Variants in AGBL1 observed in about 807,000 individuals in gnomAD.
AGBL1 encodes cytosolic carboxypeptidase 4.
Under a neutral mutation model 118.9 loss-of-function variants are expected in AGBL1, and 130 were observed. The ratio of observed to expected loss-of-function variants is 1.09; its 90% confidence interval spans 0.95 to 1.26. The LOEUF (loss-of-function observed/expected upper bound fraction) is 1.26. Among genes scored for constraint, AGBL1 ranks in the 50% most tolerant of loss-of-function variants. The probability of loss-of-function intolerance (pLI) is 0.00; values close to 1 mark genes in which losing one functional copy is unlikely to be tolerated. For missense variants in AGBL1, 1,584 were observed against 1,298.1 expected (o/e 1.22, Z -3.38); for synonymous variants, 555 against 478.9 (o/e 1.16, Z -2.08).
intron 19 of AGBL1, among the ~76,000 whole-genome samples, chr15:86,539,900 A>G (rs867485784): frequency 1.5e-4 from 23 of 152,200 alleles, no homozygotes; most frequent in African/African-American, 2.4e-4. Context: ...TTATGGTAAT[A>G]CAATGACCTC....
At chr15:86,699,342 T>C (rs757143059) in intron 22 of AGBL1, among the ~76,000 whole-genome samples, 1 of 152,064 alleles carries the variant, frequency 6.6e-6, no homozygotes, top group Non-Finnish European at 1.5e-5. Context: ...ACCAGTGCAG[T>C]ATAATTAAAA....
chr15:86,922,155 T>G (rs1231109941), intron 23 of AGBL1, among the ~76,000 whole-genome samples: 1 of 152,212 alleles, frequency 6.6e-6, no homozygotes, highest in African/African-American at 2.4e-5. Context: ...CTAATAAATA[T>G]GAAACAAAGT....
intron 22 of AGBL1, among the ~76,000 whole-genome samples, chr15:86,809,942 A>ACCTC (rs2078766236): frequency 1.3e-5 from 2 of 152,074 alleles, no homozygotes; most frequent in Non-Finnish European, 1.5e-5. Context: ...TTTTAATAGG[A>ACCTC]TAAATAATTA....
chr15:86,889,580 T>G (rs567786632), intron 22 of AGBL1, among the ~76,000 whole-genome samples: 1 of 152,300 alleles, frequency 6.6e-6, no homozygotes, highest in South Asian at 2.1e-4. Context: ...CAGTGTGTGT[T>G]ATTCCCCTCC....
chr15:86,778,453 G>T (rs1037797023), intron 22 of AGBL1, among the ~76,000 whole-genome samples: 2 of 152,058 alleles, frequency 1.3e-5, no homozygotes, highest in African/African-American at 4.8e-5. Context: ...CTACAGCTTC[G>T]ACTGTAAAAG....
At chr15:86,786,733 C>T (rs2141320810) in intron 22 of AGBL1, among the ~76,000 whole-genome samples, 1 of 152,238 alleles carries the variant, frequency 6.6e-6, no homozygotes, top group Admixed American at 6.5e-5. Context: ...AGCATGTGTT[C>T]TTGAGACATA....
chr15:86,700,305 G>A (rs1006179631), intron 22 of AGBL1, among the ~76,000 whole-genome samples: 3 of 151,882 alleles, frequency 2.0e-5, no homozygotes, highest in Non-Finnish European at 4.4e-5. Context: ...CTCTGAGCAA[G>A]TCTTTATTTT....
At chr15:86,115,910 A>C (rs1567064245) in intron 1 of AGBL1, among the ~76,000 whole-genome samples, 1 of 152,128 alleles carries the variant, frequency 6.6e-6, no homozygotes, top group South Asian at 2.1e-4. Flanking sequence ...TCCTGTTATA[A>C]TTATTAGTAG....
At chr15:86,863,624 G>A (rs1023441213) in intron 22 of AGBL1, among the ~76,000 whole-genome samples, 2 of 152,266 alleles carry the variant, frequency 1.3e-5, no homozygotes, top group South Asian at 2.1e-4. Context: ...TTTGGTCTGG[G>A]TAGGTATTGG....
intron 23 of AGBL1, among the ~76,000 whole-genome samples, chr15:86,925,170 A>AGGAG (rs1463207680): frequency 2.6e-3 from 11 of 4,226 alleles, no homozygotes; most frequent in Non-Finnish European, 3.5e-3. Context: ...AGGAGGAGGA[A>AGGAG]GAGGAAGAGG....
intron 17 of AGBL1, among the ~76,000 whole-genome samples, chr15:86,345,631 G>A (rs1400381621): frequency 6.6e-6 from 1 of 152,196 alleles, no homozygotes; most frequent in African/African-American, 2.4e-5. Flanking sequence ...AGGGAGAGCA[G>A]CTTCTGAAAT....
chr15:86,925,755 G>C (rs1410406514), intron 23 of AGBL1, among the ~76,000 whole-genome samples: 3 of 135,680 alleles, frequency 2.2e-5, no homozygotes, highest in Admixed American at 1.6e-4. Context: ...TTTTGAGACA[G>C]AGTCTCACTC....
intron 17 of AGBL1, among the ~76,000 whole-genome samples, chr15:86,312,727 T>C (rs1447308628): frequency 1.3e-5 from 2 of 152,140 alleles, no homozygotes; most frequent in Non-Finnish European, 2.9e-5. Context: ...TCTCAACATG[T>C]AGTGATGCAC....
intron 17 of AGBL1, among the ~76,000 whole-genome samples, chr15:86,313,150 G>T (rs1170304445): frequency 6.6e-6 from 1 of 152,206 alleles, no homozygotes; most frequent in Non-Finnish European, 1.5e-5. Context: ...ATGGTAAGAA[G>T]TGGGGGACAC....
chr15:86,493,381 G>A (rs565628636), intron 18 of AGBL1, among the ~76,000 whole-genome samples: 7 of 152,064 alleles, frequency 4.6e-5, no homozygotes, highest in Admixed American at 1.3e-4. Context: ...GGAGTATTTC[G>A]GAGGAAAAGG....
chr15:86,587,207 T>G lies in AGBL1; in HGVS notation c.2994+32670T>G, dbSNP rs903910564. ...ATCTTCCTTCTACAGATGAGGAAAC[T>G]GAGGCACGGACAGGATGAATACTTT... On this transcript the variant is annotated intron_variant, in intron 21 of 22. Transcript: ENST00000614907. Among the ~76,000 whole-genome samples the G allele has an allele frequency of 5.3e-5, 8 of 152,296 alleles. No individual in the cohort carries two copies. The East Asian group carries it at 1.5e-3, about 29-fold the overall frequency.
chr15:86,230,494 C>T (rs1395168397), intron 6 of AGBL1, among the ~76,000 whole-genome samples: 1 of 152,222 alleles, frequency 6.6e-6, no homozygotes, highest in Non-Finnish European at 1.5e-5. Context: ...ACTGAACTTG[C>T]ATGTAAATTC....
At chr15:86,684,678 T>A (rs1210499937) in intron 22 of AGBL1, among the ~76,000 whole-genome samples, 1 of 152,126 alleles carries the variant, frequency 6.6e-6, no homozygotes. Context: ...TCAATTCTGA[T>A]TCAAAGTATT....
intron 17 of AGBL1, among the ~76,000 whole-genome samples, chr15:86,304,146 T>A (rs928931226): frequency 2.0e-5 from 3 of 152,164 alleles, no homozygotes; most frequent in African/African-American, 7.2e-5. Context: ...TAAACACTAA[T>A]AACCCTTATA....
Sources: allele counts gnomAD v4.1 joint callset (sites outside exome capture counted in the v4.1 genomes callset), GRCh38; gene constraint gnomAD v4.1.1; transcripts MANE v1.5; gene names NCBI Gene and HGNC (gene_info 2026-07-23, HGNC 2026-07-21).